The following ARHGAP15 variants were observed in gnomAD, a reference collection of about 807,000 sequenced individuals.
The protein encoded by ARHGAP15 is rho GTPase-activating protein 15.
In ARHGAP15, 51 loss-of-function variants were observed where a neutral mutation model predicts 63.7. The ratio of observed to expected loss-of-function variants is 0.80; its 90% CI spans 0.64 to 1.01. The LOEUF is 1.01. Ranked by LOEUF, ARHGAP15 falls within the 50% of genes least tolerant of loss-of-function variation. The pLI is 0.00. For missense variants in ARHGAP15, 560 were observed against 564.6 expected, an observed-to-expected ratio of 0.99 and a Z score of 0.08; for synonymous variants, 191 against 193.8, an observed-to-expected ratio of 0.99 and a Z score of 0.12.
intron 2 of ARHGAP15, among the ~76,000 whole-genome samples, chr2:143,184,370 T>A (rs903315506): frequency 2.6e-5 from 4 of 152,208 alleles, no homozygotes; most frequent in Non-Finnish European, 5.9e-5. Context: ...TTCTGATGAC[T>A]TTAATTTCAA....
chr2:143,234,508 A>T (rs56154353), intron 5 of ARHGAP15, among the ~76,000 whole-genome samples: 1 of 152,188 alleles, frequency 6.6e-6, no homozygotes, highest in Non-Finnish European at 1.5e-5. Context: ...CCAGAGACTG[A>T]CTATCTCAAT....
intron 10 of ARHGAP15, chr2:143,533,370 C>T (rs1467892375): frequency 1.3e-5 from 2 of 152,122 alleles, no homozygotes; most frequent in Non-Finnish European, 2.9e-5. Context: ...ACAGTGCATT[C>T]GCATCCTTCC....
intron 12 of ARHGAP15, among the ~76,000 whole-genome samples, chr2:143,693,633 C>T (rs1185915014): frequency 1.3e-5 from 2 of 152,158 alleles, no homozygotes; most frequent in Non-Finnish European, 2.9e-5. Context: ...TTTCATTTTA[C>T]TGACTTGAAC....
At chr2:143,413,966 T>TGTGTGTGTGTGTGTGTGCGCGCGC in intron 6 of ARHGAP15, among the ~76,000 whole-genome samples, 5 of 117,910 alleles carry the variant, frequency 4.2e-5, no homozygotes, top group African/African-American at 1.8e-4. Context: ...TGTGTGTGTG[T>TGTGTGTGTGTGTGTGTGCGCGCGC]GCGCGCTCTC....
intron 6 of ARHGAP15, among the ~76,000 whole-genome samples, chr2:143,334,984 A>G (rs1684708292): frequency 6.6e-6 from 1 of 152,216 alleles, no homozygotes; most frequent in Admixed American, 6.5e-5. Context: ...GACCAAGACT[A>G]GCTTTTTCCA....
chr2:143,685,568 A>C (rs1219464868), intron 12 of ARHGAP15, among the ~76,000 whole-genome samples: 1 of 152,224 alleles, frequency 6.6e-6, no homozygotes, highest in Admixed American at 6.5e-5. Context: ...CTCTAATGCC[A>C]GTTCATAGTA....
chr2:143,695,863 CAA>C (rs57881769), intron 12 of ARHGAP15, among the ~76,000 whole-genome samples: 5 of 135,086 alleles, frequency 3.7e-5, no homozygotes, highest in South Asian at 2.3e-4. Flanking sequence ...CCTTGTCTAC[CAA>C]AAAAAAAAAA....
chr2:143,354,938 A>G (rs543532571), intron 6 of ARHGAP15, among the ~76,000 whole-genome samples: 30 of 152,284 alleles, frequency 2.0e-4, no homozygotes, highest in Non-Finnish European at 4.1e-4. Context: ...CACAATTTCA[A>G]AGTGAAGGCC....
At chr2:143,391,806 CCTTTTT>C (rs1225963380) in intron 6 of ARHGAP15, among the ~76,000 whole-genome samples, 2 of 152,122 alleles carry the variant, frequency 1.3e-5, no homozygotes, top group African/African-American at 4.8e-5. Context: ...TTGTATATTT[CCTTTTT>C]CTTTTTAAGG....
intron 6 of ARHGAP15, among the ~76,000 whole-genome samples, chr2:143,378,084 C>T (rs1686894943): frequency 1.3e-5 from 2 of 152,042 alleles, no homozygotes; most frequent in East Asian, 1.9e-4. Flanking sequence ...CTGAAATTAA[C>T]TAGAATGGTG....
At chr2:143,343,113 G>A (rs1230879688) in intron 6 of ARHGAP15, among the ~76,000 whole-genome samples, 1 of 152,100 alleles carries the variant, frequency 6.6e-6, no homozygotes, top group East Asian at 1.9e-4. Context: ...AGTATAATTA[G>A]TAGTAGGGTA....
rs145563158 is a variant in ARHGAP15 at position 143,416,380 on chromosome 2, G to T, written c.475-19221G>T. ...TTTCTCTTTGCCAAACTGAATTAAA[G>T]GTCCTGGGGACCCTGCAAGCCATAA... On this transcript the variant is annotated intron_variant, in intron 6 of 13. Transcript: ENST00000295095. Among the ~76,000 whole-genome samples the T allele has an allele frequency of 4.8e-3, 735 of 152,204 alleles. 5 individuals are homozygous for T. Among genetic ancestry groups the T allele is most frequent in the South Asian group, 0.017 (81 of 4,808 alleles).
chr2:143,227,926 A>T (rs923121886), intron 4 of ARHGAP15, among the ~76,000 whole-genome samples: 4 of 152,150 alleles, frequency 2.6e-5, no homozygotes, highest in Non-Finnish European at 5.9e-5. Flanking sequence ...TTCAAATTGC[A>T]CTCCAGAAAG....
intron 11 of ARHGAP15, among the ~76,000 whole-genome samples, chr2:143,594,533 G>A (rs1697439301): frequency 6.6e-6 from 1 of 152,134 alleles, no homozygotes; most frequent in African/African-American, 2.4e-5. Flanking sequence ...TAATATGAAT[G>A]TAATATGACG....
chr2:143,545,154 T>G (rs1258954077), intron 10 of ARHGAP15, among the ~76,000 whole-genome samples: 1 of 152,204 alleles, frequency 6.6e-6, no homozygotes, highest in East Asian at 1.9e-4. Flanking sequence ...GCCTGGAATT[T>G]GCTTTTACGA....
intron 1 of ARHGAP15, among the ~76,000 whole-genome samples, chr2:143,145,198 CTT>C (rs1202858464): frequency 6.6e-6 from 1 of 152,050 alleles, no homozygotes; most frequent in African/African-American, 2.4e-5. Context: ...TACAGACAAT[CTT>C]TAATTCTAGT....
intron 3 of ARHGAP15, among the ~76,000 whole-genome samples, chr2:143,205,929 C>T (rs1377017479): frequency 6.6e-6 from 1 of 152,032 alleles, no homozygotes; most frequent in Non-Finnish European, 1.5e-5. Flanking sequence ...TATCATCCCC[C>T]CCACTGATCC....
intron 1 of ARHGAP15, among the ~76,000 whole-genome samples, chr2:143,153,830 CTT>C (rs1558779401): frequency 0.041 from 3,784 of 92,520 alleles, 228 homozygotes; most frequent in Non-Finnish European, 0.051. Context: ...TCTTCTTCTT[CTT>C]CTTCTTCTTC....
intron 6 of ARHGAP15, among the ~76,000 whole-genome samples, chr2:143,387,063 C>A (rs1687317599): frequency 6.6e-6 from 1 of 151,906 alleles, no homozygotes; most frequent in African/African-American, 2.4e-5. Context: ...AGGCTTAGTA[C>A]CTGGATGATG....
Sources: allele counts gnomAD v4.1 joint callset (sites outside exome capture counted in the v4.1 genomes callset), GRCh38; gene constraint gnomAD v4.1.1; transcripts MANE v1.5; gene names NCBI Gene and HGNC (gene_info 2026-07-23, HGNC 2026-07-21).